The following SHLD1 variants were observed in gnomAD, a reference collection of about 807,000 sequenced individuals.
SHLD1 encodes the protein shieldin complex subunit 1.
Under a neutral mutation model 5.5 loss-of-function variants are expected in SHLD1, and 3 were observed. The observed-to-expected ratio is 0.54, with a 90% CI of 0.25 to 1.40. The LOEUF is 1.40. Ranked by LOEUF, SHLD1 falls within the 40% of genes most tolerant of loss-of-function variation. SHLD1 has a pLI of 0.15. For missense variants in SHLD1, 210 were observed against 244.4 expected (o/e 0.86, Z 0.94); for synonymous variants, 92 against 94.3 (o/e 0.98, Z 0.14).
chr20:5,813,536 A>G (rs576160650), intron 2 of SHLD1, among the ~76,000 whole-genome samples: 1 of 152,248 alleles, frequency 6.6e-6, no homozygotes, highest in South Asian at 2.1e-4. Flanking sequence ...TGGAAGGGGC[A>G]GAAGGGGTAT....
chr20:5,753,503 T>C (rs1385125899), intron 1 of SHLD1, among the ~76,000 whole-genome samples: 1 of 152,094 alleles, frequency 6.6e-6, no homozygotes, highest in Non-Finnish European at 1.5e-5. Flanking sequence ...CCCAAATCAT[T>C]TCTAACAAAA....
chr20:5,765,702 A>G (rs6107689), intron 1 of SHLD1, among the ~76,000 whole-genome samples: 50,909 of 150,224 alleles, frequency 0.34, 8,996 homozygotes, highest in Non-Finnish European at 0.4. Context: ...ATCTGCCTCC[A>G]CTTCTGGTTT....
intron 2 of SHLD1, among the ~76,000 whole-genome samples, chr20:5,856,926 T>C (rs2088093766): frequency 6.6e-6 from 1 of 152,200 alleles, no homozygotes; most frequent in Admixed American, 6.5e-5. Context: ...TATGTTCCCA[T>C]TTGCAATTTA....
chr20:5,809,520 A>G (rs2087428663), intron 2 of SHLD1, among the ~76,000 whole-genome samples: 1 of 151,986 alleles, frequency 6.6e-6, no homozygotes, highest in South Asian at 2.1e-4. Context: ...CTGCCACCAA[A>G]AACAACCAAT....
At chr20:5,817,356 G>A (rs1341228102) in intron 2 of SHLD1, among the ~76,000 whole-genome samples, 1 of 147,372 alleles carries the variant, frequency 6.8e-6, no homozygotes, top group South Asian at 2.1e-4. Flanking sequence ...TTATCAACTT[G>A]ATCCTTTCAA....
intron 2 of SHLD1, among the ~76,000 whole-genome samples, chr20:5,810,420 C>T (rs6133267): frequency 0.35 from 52,573 of 151,844 alleles, 10,859 homozygotes; most frequent in Non-Finnish European, 0.45. Context: ...TGGGACCTTC[C>T]GAGCCATTTA....
chr20:5,813,098 ACTT>A (rs1302709976), intron 2 of SHLD1, among the ~76,000 whole-genome samples: 1 of 151,760 alleles, frequency 6.6e-6, no homozygotes, highest in African/African-American at 2.4e-5. Flanking sequence ...CTGCTCTAGA[ACTT>A]CTGGGCTCAA....
intron 2 of SHLD1, among the ~76,000 whole-genome samples, chr20:5,800,856 TGC>T (rs779120174): frequency 0.051 from 2,116 of 41,614 alleles, 31 homozygotes; most frequent in East Asian, 0.44. Flanking sequence ...TGTGTGTGTG[TGC>T]GTATGTCTAT....
intron 2 of SHLD1, among the ~76,000 whole-genome samples, chr20:5,777,338 A>T (rs1188494181): frequency 6.6e-6 from 1 of 152,154 alleles, no homozygotes; most frequent in African/African-American, 2.4e-5. Flanking sequence ...AGTGGAAATC[A>T]TTCCCATTTA....
At chr20:5,788,900 G>A (rs143689471) in intron 2 of SHLD1, among the ~76,000 whole-genome samples, 2,880 of 152,298 alleles carry the variant, frequency 0.019, 88 homozygotes, top group African/African-American at 0.065. Flanking sequence ...GGGAGGCTGA[G>A]GCAGGTGGAT....
chr20:5,784,149 TA>T lies in SHLD1; in HGVS notation c.178+11120del, dbSNP rs11438574. ...CCTGGGCGACAAAGTGAGACTGTCT[TA>T]AAAAAAAAAAAAAGAAAAAAGAAAA... On this transcript the variant is annotated intron_variant, in intron 2 of 2. Coordinates refer to ENST00000303142, the MANE Select transcript of SHLD1 (RefSeq NM_152504.4). Among the ~76,000 whole-genome samples, 118 of 140,264 alleles carry T rather than the reference TA, an allele frequency of 8.4e-4. 1 individual carries two copies. Among genetic ancestry groups the T allele is most frequent in the Middle Eastern group, 3.6e-3 (1 of 280 alleles). 92.0% of individuals were successfully genotyped at this position (140,264 alleles called of 152,430 possible). A position where few individuals can be genotyped will look rare whatever the true frequency, so the allele number is the denominator to read the frequency against.
At chr20:5,797,949 G>C (rs407957) in intron 2 of SHLD1, among the ~76,000 whole-genome samples, 127,808 of 152,188 alleles carry the variant, frequency 0.84, 54,012 homozygotes, top group East Asian at 1. Context: ...GTTATCTCTT[G>C]CTGCCTAACT....
At chr20:5,756,768 C>T in intron 1 of SHLD1, 2 of 288,630 alleles carry the variant, frequency 6.9e-6, no homozygotes, top group South Asian at 3.0e-5. Flanking sequence ...CAGCTCACTG[C>T]AACCTCCGTC....
chr20:5,793,784 A>G (rs1157951657), intron 2 of SHLD1, among the ~76,000 whole-genome samples: 6 of 151,858 alleles, frequency 4.0e-5, no homozygotes, highest in Non-Finnish European at 8.8e-5. Context: ...ATCTCGGCTC[A>G]CTTCAACCTT....
intron 2 of SHLD1, among the ~76,000 whole-genome samples, chr20:5,844,799 A>ATATATATATATATATTTTTT (rs1460082835): frequency 1.4e-5 from 1 of 71,720 alleles, no homozygotes; most frequent in East Asian, 3.7e-4. Flanking sequence ...ATATATATAT[A>ATATATATATATATATTTTTT]TTTTTTTTTT....
chr20:5,790,003 G>A (rs968335102), intron 2 of SHLD1, among the ~76,000 whole-genome samples: 1 of 152,156 alleles, frequency 6.6e-6, no homozygotes, highest in South Asian at 2.1e-4. Flanking sequence ...ACCTTCAGAG[G>A]GCCTGGGACT....
intron 1 of SHLD1, among the ~76,000 whole-genome samples, chr20:5,768,804 C>T (rs1340314939): frequency 6.6e-6 from 1 of 151,954 alleles, no homozygotes; most frequent in Admixed American, 6.6e-5. Flanking sequence ...TGTGTATGCA[C>T]GTGGGCACAT....
Position 5,856,086 on chromosome 20 carries a change from A to G in SHLD1, c.179-6938A>G, listed in dbSNP as rs535478925. 6.2e-4 allele frequency among the ~76,000 whole-genome samples: 94 copies of G among 152,334 alleles called. 1 individual carries two copies. Among genetic ancestry groups the G allele is most frequent in the Middle Eastern group, 3.4e-3 (1 of 294 alleles). ...TGTAGTATGACACAGATCTCTGGGT[A>G]ATGAGAATTAACCCTTTGCTGTTTC... On this transcript the variant is annotated intron_variant, in intron 2 of 2. Coordinates refer to ENST00000303142, the MANE Select transcript of SHLD1 (RefSeq NM_152504.4).
At chr20:5,858,768 G>T (rs538234343) in intron 2 of SHLD1, among the ~76,000 whole-genome samples, 22 of 152,290 alleles carry the variant, frequency 1.4e-4, no homozygotes, top group African/African-American at 5.1e-4. Context: ...CCAGGAGGTG[G>T]AGGCTGCAGT....
Sources: allele counts gnomAD v4.1 joint callset (sites outside exome capture counted in the v4.1 genomes callset), GRCh38; gene constraint gnomAD v4.1.1; transcripts MANE v1.5; gene names NCBI Gene and HGNC (gene_info 2026-07-23, HGNC 2026-07-21).